The following HMGB1 variants were observed in gnomAD, a reference collection of about 807,000 sequenced individuals.
The protein encoded by HMGB1 is high mobility group box 1.
For missense variants in HMGB1, 79 were observed against 253.5 expected (o/e 0.31, Z 4.67); for synonymous variants, 81 against 84.0 (o/e 0.96, Z 0.19).
chr13:30,559,993 A>G lies in HMGB1; in HGVS notation c.-15+56678T>C, dbSNP rs1869878199. 6.6e-6 allele frequency among the ~76,000 whole-genome samples: 1 copy of G among 152,120 alleles called. No individual in the cohort carries two copies. Among genetic ancestry groups the G allele is most frequent in the Non-Finnish European group, 1.5e-5 (1 of 68,020 alleles). On this transcript the variant is annotated intron_variant, in intron 1 of 4. Transcript: ENST00000405805. The surrounding 1 kb of genome is among the most constrained non-coding windows in gnomAD (Gnocchi z 6.6). The stretch of plus-strand genomic sequence containing the variant: ...GTGTTTCTCACCATTGAGACCCCCA[A>G]GGCACCCCCTCCCAGCATTTACCAG...
At chr13:30,562,043 C>A (rs150886962) in intron 1 of HMGB1, among the ~76,000 whole-genome samples, 1 of 152,068 alleles carries the variant, frequency 6.6e-6, no homozygotes, top group Non-Finnish European at 1.5e-5. Flanking sequence ...TATACTTGGC[C>A]GGGCGCAGTG....
intron 1 of HMGB1, among the ~76,000 whole-genome samples, chr13:30,609,974 T>A (rs141721551): frequency 1.3e-5 from 2 of 152,238 alleles, no homozygotes; most frequent in Non-Finnish European, 2.9e-5. Context: ...ACATTTTCTT[T>A]ATCCACTCAG....
At chr13:30,596,125 C>T (rs1299959841) in intron 1 of HMGB1, among the ~76,000 whole-genome samples, 1 of 152,064 alleles carries the variant, frequency 6.6e-6, no homozygotes, top group Admixed American at 6.6e-5. Context: ...TGGGGTGTAA[C>T]CTTTTTAATT....
intron 1 of HMGB1, among the ~76,000 whole-genome samples, chr13:30,596,368 C>T (rs1871610201): frequency 6.6e-6 from 1 of 152,140 alleles, no homozygotes; most frequent in Non-Finnish European, 1.5e-5. Flanking sequence ...AGTGGTTTAC[C>T]ATACGCGCCT....
chr13:30,524,852 T>C (rs1392288384), intron 1 of HMGB1, among the ~76,000 whole-genome samples: 1 of 152,174 alleles, frequency 6.6e-6, no homozygotes, highest in African/African-American at 2.4e-5. Flanking sequence ...TCACATTGTA[T>C]TTCACCACAG....
At chr13:30,534,176 C>T (rs935061760) in intron 1 of HMGB1, among the ~76,000 whole-genome samples, 1 of 152,128 alleles carries the variant, frequency 6.6e-6, no homozygotes, top group Non-Finnish European at 1.5e-5. Flanking sequence ...ATCTTTATCT[C>T]CCTAGGTTGG....
intron 1 of HMGB1, among the ~76,000 whole-genome samples, chr13:30,583,480 G>A (rs893277298): frequency 1.4e-5 from 2 of 141,950 alleles, no homozygotes; most frequent in African/African-American, 5.3e-5. Flanking sequence ...GCAGTGAGCT[G>A]TGATTATGCC....
At chr13:30,477,446 A>G (rs1462660784) in intron 1 of HMGB1, among the ~76,000 whole-genome samples, 2 of 152,202 alleles carry the variant, frequency 1.3e-5, no homozygotes, top group Non-Finnish European at 2.9e-5. Context: ...TGAATAGGAC[A>G]GAAAGGAGCA....
intron 1 of HMGB1, among the ~76,000 whole-genome samples, chr13:30,486,566 G>A (rs930141487): frequency 3.9e-5 from 6 of 152,114 alleles, no homozygotes; most frequent in African/African-American, 9.7e-5. Context: ...AGTATTCCTC[G>A]CCTCTTGGCA....
Position 30,461,331 on chromosome 13 carries a change from A to G in HMGB1, c.*26T>C, listed in dbSNP as rs1202297183. 1.4e-6 allele frequency: 2 copies of G among 1,439,946 alleles called. No individual in the cohort carries two copies. Among genetic ancestry groups the G allele is most frequent in the Admixed American group, 2.5e-5 (1 of 39,594 alleles). 89.2% of individuals were successfully genotyped at this position (1,439,946 alleles called of 1,614,324 possible). A position where few individuals can be genotyped will look rare whatever the true frequency, so the allele number is the denominator to read the frequency against. Reference sequence around the variant, plus strand: ...GGGGGTTAAATGCTTTATAGACAAGAAAAAAAAAACTGCGCTAGAACCAAC... The same window carrying G: ...GGGGGTTAAATGCTTTATAGACAAGGAAAAAAAAACTGCGCTAGAACCAAC... On this transcript the variant is annotated 3_prime_UTR_variant, in exon 5 of 5. Coordinates refer to ENST00000341423, the MANE Select transcript of HMGB1 (RefSeq NM_002128.7).
chr13:30,482,423 G>T (rs1566001489), intron 1 of HMGB1, among the ~76,000 whole-genome samples: 1 of 152,202 alleles, frequency 6.6e-6, no homozygotes, highest in Non-Finnish European at 1.5e-5. Context: ...GGGCCAGGAG[G>T]GGGCAGAAAC....
chr13:30,558,824 C>T (rs1447252137), intron 1 of HMGB1, among the ~76,000 whole-genome samples: 1 of 152,178 alleles, frequency 6.6e-6, no homozygotes, highest in African/African-American at 2.4e-5. Context: ...GGCCCCACCC[C>T]AGACCCACTG....
At chr13:30,495,733 C>A (rs1044999294) in intron 1 of HMGB1, among the ~76,000 whole-genome samples, 1 of 152,228 alleles carries the variant, frequency 6.6e-6, no homozygotes, top group Non-Finnish European at 1.5e-5. Context: ...CCGCGTTGGC[C>A]TCCCAAAGTG....
intron 4 of HMGB1, 21 bp from the exon 5 acceptor site, chr13:30,461,554 TA>T (rs759661155): frequency 1.3e-6 from 2 of 1,576,438 alleles, no homozygotes; most frequent in Non-Finnish European, 1.7e-6. Flanking sequence ...AAAGGGAGGA[TA>T]AAACAGTAGG....
At chr13:30,507,715 T>A (rs562437419) in intron 1 of HMGB1, among the ~76,000 whole-genome samples, 3 of 152,080 alleles carry the variant, frequency 2.0e-5, no homozygotes, top group Non-Finnish European at 4.4e-5. Context: ...TACGCACCCA[T>A]CAATTACAAG....
chr13:30,578,890 A>G (rs1021133995), intron 1 of HMGB1, among the ~76,000 whole-genome samples: 2 of 152,180 alleles, frequency 1.3e-5, no homozygotes, highest in African/African-American at 4.8e-5. Context: ...ATTCTCATTC[A>G]TTCCATATGA....
chr13:30,514,285 C>T (rs1431763302), intron 1 of HMGB1, among the ~76,000 whole-genome samples: 1 of 150,950 alleles, frequency 6.6e-6, no homozygotes, highest in Non-Finnish European at 1.5e-5. Flanking sequence ...TACTGAGCTG[C>T]AGTAGGGGTT....
intron 1 of HMGB1, chr13:30,554,083 A>C (rs1869562105): frequency 7.6e-7 from 1 of 1,319,416 alleles, no homozygotes; most frequent in Non-Finnish European, 1.1e-6. Context: ...CTGTTTAAAG[A>C]AACGGGATTC....
chr13:30,471,188 T>G (rs899667545), intron 1 of HMGB1, among the ~76,000 whole-genome samples: 2 of 151,922 alleles, frequency 1.3e-5, no homozygotes, highest in African/African-American at 2.4e-5. Context: ...GACAGGCCGG[T>G]CTTGAACTCC....
Sources: gnomAD v4.1 joint callset for allele counts (sites outside exome capture counted in the v4.1 genomes callset) on GRCh38, gnomAD v4.1.1 for gene constraint, Gnocchi (gnomAD v3.1) non-coding constraint, MANE v1.5 for transcripts, NCBI Gene and HGNC (gene_info 2026-07-23, HGNC 2026-07-21) for gene names.